The following ZNF75D variants were observed in gnomAD, a reference collection of about 807,000 sequenced individuals.
ZNF75D encodes the protein zinc finger protein 75D.
ZNF75D carries 33 observed loss-of-function variants against 33.3 expected under a neutral mutation model. That is an observed-to-expected ratio of 0.99 (90% CI 0.75 to 1.32). ZNF75D has a LOEUF of 1.32. ZNF75D is among the 40% of genes most tolerant of loss of function. The pLI, the probability that ZNF75D is intolerant of heterozygous loss-of-function variation, is 0.00. For missense variants in ZNF75D, 338 were observed against 367.5 expected (o/e 0.92, Z 0.66); for synonymous variants, 113 against 130.6 (o/e 0.87, Z 0.92).
intron 1 of ZNF75D, among the ~76,000 whole-genome samples, chrX:135,267,338 A>T (rs1267432016): frequency 2.7e-5 from 3 of 111,754 alleles, no homozygotes; most frequent in East Asian, 2.8e-4. Flanking sequence ...CAGTTTTTTT[A>T]AAAGATAAAC....
intron 1 of ZNF75D, among the ~76,000 whole-genome samples, chrX:135,311,068 T>TA (rs1389896139): frequency 1.8e-5 from 2 of 112,345 alleles, no homozygotes; most frequent in African/African-American, 6.5e-5. Flanking sequence ...TACCAGGGGA[T>TA]ATGCAGCTGA....
At chrX:135,275,122 A>C (rs1556417439) in intron 1 of ZNF75D, among the ~76,000 whole-genome samples, 1 of 112,811 alleles carries the variant, frequency 8.9e-6, no homozygotes, top group Non-Finnish European at 1.9e-5. Context: ...ATGTAGAAAA[A>C]GTTAAGATAA....
chrX:135,320,123 T>C (rs1296402315), intron 1 of ZNF75D, among the ~76,000 whole-genome samples: 1 of 111,007 alleles, frequency 9.0e-6, no homozygotes, highest in Non-Finnish European at 1.9e-5. Context: ...TGAAACCCTG[T>C]CTCTACTAAA....
rs2083961121 is a variant in ZNF75D, at chrX:135,286,898, G to A, written c.*239C>T. The stretch of plus-strand genomic sequence containing the variant: ...ATATACATATAGATAGATAGCTAAA[G>A]GAATCTCATCACTACACTTTCATTT... On this transcript the variant is annotated 3_prime_UTR_variant, in exon 7 of 7. Transcript: ENST00000370766. 2.6e-6 allele frequency: 1 copy of A among 382,176 alleles called. No homozygotes were observed. Among genetic ancestry groups the A allele is most frequent in the African/African-American group, 2.6e-5 (1 of 37,999 alleles). 31.5% of individuals were successfully genotyped at this position (382,176 alleles called of 1,213,427 possible). A position where few individuals can be genotyped will look rare whatever the true frequency, so the allele number is the denominator to read the frequency against.
At chrX:135,269,855 A>G (rs1421604444) in intron 1 of ZNF75D, among the ~76,000 whole-genome samples, 2 of 111,975 alleles carry the variant, frequency 1.8e-5, no homozygotes, top group Non-Finnish European at 3.8e-5. Flanking sequence ...GTGTCCATCA[A>G]CAGAAGAATG....
In ZNF75D at chrX:135,287,044, T is replaced by C; in HGVS notation, c.*93A>G. 2 of 756,604 alleles carry C rather than the reference T, an allele frequency of 2.6e-6. No homozygotes were observed. Among genetic ancestry groups the C allele is most frequent in the Non-Finnish European group, 3.9e-6 (2 of 509,213 alleles). 62.4% of individuals were successfully genotyped at this position (756,604 alleles called of 1,213,427 possible). ...AAGTGTAACATGTACCCTTCCCAAATGTTTTATTAATCACAGATTCCTATC... is the reference window on the plus strand; with the variant it reads ...AAGTGTAACATGTACCCTTCCCAAACGTTTTATTAATCACAGATTCCTATC... On this transcript the variant is annotated 3_prime_UTR_variant, in exon 7 of 7. Transcript: ENST00000370766.
intron 1 of ZNF75D, among the ~76,000 whole-genome samples, chrX:135,325,977 A>G (rs782504329): frequency 1.8e-5 from 2 of 112,170 alleles, no homozygotes; most frequent in South Asian, 3.7e-4. Context: ...AAATACACCA[A>G]TCAGCACCCT....
chrX:135,299,423 G>A (rs782471909), intron 1 of ZNF75D, among the ~76,000 whole-genome samples: 1 of 111,793 alleles, frequency 8.9e-6, no homozygotes, highest in Non-Finnish European at 1.9e-5. Flanking sequence ...TTAGGCATTT[G>A]TATATTTTCT....
intron 1 of ZNF75D, among the ~76,000 whole-genome samples, chrX:135,335,978 T>C (rs2084706689): frequency 8.9e-6 from 1 of 112,443 alleles, no homozygotes; most frequent in Non-Finnish European, 1.9e-5. Context: ...AATACTATCC[T>C]TATGTTTTCT....
intron 1 of ZNF75D, among the ~76,000 whole-genome samples, chrX:135,256,462 A>G (rs1394359731): frequency 3.6e-5 from 4 of 111,728 alleles, no homozygotes; most frequent in African/African-American, 1.3e-4. Context: ...CGCCAGAAGA[A>G]TCACCCTTCC....
chrX:135,296,836 A>T (rs2084137450), intron 1 of ZNF75D, among the ~76,000 whole-genome samples: 1 of 112,206 alleles, frequency 8.9e-6, no homozygotes, highest in Non-Finnish European at 1.9e-5. Flanking sequence ...ATAGATTACC[A>T]GTGGCAGATT....
chrX:135,339,920 C>T (rs782625268), intron 1 of ZNF75D, among the ~76,000 whole-genome samples: 3 of 112,285 alleles, frequency 2.7e-5, no homozygotes, highest in African/African-American at 9.7e-5. Context: ...ACAGCAGTCA[C>T]TGAAAGAGCT....
intron 1 of ZNF75D, among the ~76,000 whole-genome samples, chrX:135,304,322 A>G (rs1182126473): frequency 9.0e-6 from 1 of 111,344 alleles, no homozygotes; most frequent in African/African-American, 3.3e-5. Flanking sequence ...CCAGCAACTC[A>G]TCCTATTCCA....
At chrX:135,249,467 G>A (rs2083772943) in intron 3 of ZNF75D, among the ~76,000 whole-genome samples, 1 of 107,547 alleles carries the variant, frequency 9.3e-6, no homozygotes, top group South Asian at 4.1e-4. Flanking sequence ...AAATTTCTTT[G>A]AGTTTCACAT....
intron 1 of ZNF75D, among the ~76,000 whole-genome samples, chrX:135,268,377 A>G (rs2083870443): frequency 9.2e-6 from 1 of 109,093 alleles, no homozygotes; most frequent in Non-Finnish European, 1.9e-5. Flanking sequence ...ACTCCACCAA[A>G]TAAGTATTAG....
intron 1 of ZNF75D, among the ~76,000 whole-genome samples, chrX:135,264,749 T>A: frequency 9.0e-6 from 1 of 111,009 alleles, no homozygotes; most frequent in East Asian, 2.8e-4. Context: ...AATGACATCA[T>A]GAAGAATGCA....
At chrX:135,292,574 T>C (rs782674394) in intron 3 of ZNF75D, 101 bp from the exon 4 acceptor site, 18 of 665,120 alleles carry the variant, frequency 2.7e-5, no homozygotes, top group Non-Finnish European at 4.1e-5. Context: ...GGGGAATGCA[T>C]GACATTAGAG....
intron 1 of ZNF75D, among the ~76,000 whole-genome samples, chrX:135,280,001 G>C (rs782422514): frequency 2.7e-5 from 3 of 111,082 alleles, no homozygotes; most frequent in Non-Finnish European, 3.8e-5. Flanking sequence ...TATTAGGTCT[G>C]CTTGGTCCAG....
rs1556446224 is a variant in ZNF75D, at chrX:135,343,701, G to A, written c.-2324C>T. ...GCCAGACGCCACAGTCAGGCTTCCA[G>A]ACCACCTTGGCCCCGAAACCAGTTG... On this transcript the variant is annotated 5_prime_UTR_variant, in exon 1 of 7. Transcript: ENST00000370766. The A allele has an allele frequency of 8.9e-6, 1 of 111,882 alleles. No homozygotes were observed. The highest frequency in any genetic ancestry group is 3.3e-5 in the African/African-American group (1 of 30,751). 9.2% of individuals were successfully genotyped at this position (111,882 alleles called of 1,213,427 possible). A position where few individuals can be genotyped will look rare whatever the true frequency, so the allele number is the denominator to read the frequency against.
Sources: gnomAD v4.1 joint callset for allele counts (sites outside exome capture counted in the v4.1 genomes callset) on GRCh38, gnomAD v4.1.1 for gene constraint, MANE v1.5 for transcripts, NCBI Gene and HGNC (gene_info 2026-07-23, HGNC 2026-07-21) for gene names.